Variants in NT5E observed in about 807,000 individuals in gnomAD.
The protein encoded by NT5E is 5'-nucleotidase ecto, also known as 5'-nucleotidase.
NT5E carries 53 observed loss-of-function variants against 55.1 expected under a neutral mutation model. The ratio of observed to expected loss-of-function variants is 0.96; its 90% confidence interval spans 0.77 to 1.21. NT5E has a LOEUF of 1.21. NT5E is among the 50% of genes most tolerant of loss of function. NT5E has a pLI of 0.00. For synonymous variants in NT5E, 270 were observed against 278.4 expected (o/e 0.97, Z 0.30); for missense variants, 683 against 724.3 (o/e 0.94, Z 0.65).
intron 3 of NT5E, among the ~76,000 whole-genome samples, chr6:85,479,805 T>C (rs1222723303): frequency 1.3e-5 from 2 of 152,202 alleles, no homozygotes; most frequent in African/African-American, 2.4e-5. Context: ...GCCATAGTGA[T>C]AGAACCAGAA....
intron 1 of NT5E, among the ~76,000 whole-genome samples, chr6:85,466,377 C>T (rs186610810): frequency 6.6e-6 from 1 of 152,304 alleles, no homozygotes; most frequent in Admixed American, 6.5e-5. Flanking sequence ...AATCATTTCA[C>T]CATGGAGTTC....
Position 85,494,224 on chromosome 6 carries a change from A to G in NT5E, c.*220A>G, listed in dbSNP as rs1408973595. On this transcript the variant is annotated 3_prime_UTR_variant, in exon 9 of 9. Coordinates refer to ENST00000257770, the MANE Select transcript of NT5E (RefSeq NM_002526.4). ...ATTAACATAGGGCCCTATAAGGAGA[A>G]AGCCAACTATGTTAAGTTTACGTGT... 1 of 553,026 alleles carries G rather than the reference A, an allele frequency of 1.8e-6. No individual in the cohort carries two copies. Among genetic ancestry groups the G allele is most frequent in the Admixed American group, 3.3e-5 (1 of 30,624 alleles). The allele number at this position is 553,026 out of a possible 1,614,324, so 34.3% of individuals were successfully genotyped here.
intron 1 of NT5E, among the ~76,000 whole-genome samples, chr6:85,456,267 C>G (rs1357137145): frequency 6.6e-6 from 1 of 152,212 alleles, no homozygotes. Flanking sequence ...CCCTGTGCAT[C>G]TCTTCACTTG....
At chr6:85,462,917 T>C (rs1769122774) in intron 1 of NT5E, among the ~76,000 whole-genome samples, 1 of 152,242 alleles carries the variant, frequency 6.6e-6, no homozygotes, top group African/African-American at 2.4e-5. Context: ...TTGCCCAGGT[T>C]TTCTTGTTTT....
intron 3 of NT5E, 123 bp from the exon 4 acceptor site, chr6:85,485,112 G>A (rs1447668236): frequency 3.3e-6 from 3 of 914,532 alleles, no homozygotes; most frequent in Non-Finnish European, 5.2e-6. Flanking sequence ...GACTAGCTAT[G>A]TAGAGCAACA....
intron 4 of NT5E, 35 bp from the exon 5 acceptor site, chr6:85,487,300 T>C: frequency 6.3e-7 from 1 of 1,587,792 alleles, no homozygotes; most frequent in Non-Finnish European, 8.6e-7. Flanking sequence ...CAGTGTGAGA[T>C]TTAATTGTAG....
Position 85,494,129 on chromosome 6 carries a change from T to C in NT5E, c.*125T>C. The C allele has an allele frequency of 1.1e-6, 1 of 891,922 alleles. No individual in the cohort carries two copies. 55.3% of individuals were successfully genotyped at this position (891,922 alleles called of 1,614,324 possible). A position where few individuals can be genotyped will look rare whatever the true frequency, so the allele number is the denominator to read the frequency against. Reference sequence around the variant, plus strand: ...TTTACAGGCTCCTAGAAGCTGAAGGTTAGAGCATTATAAAATGAAGAGACA... The same window carrying C: ...TTTACAGGCTCCTAGAAGCTGAAGGCTAGAGCATTATAAAATGAAGAGACA... On this transcript the variant is annotated 3_prime_UTR_variant, in exon 9 of 9. Transcript: ENST00000257770.
At chr6:85,490,487 C>T in intron 6 of NT5E, 21 bp from the exon 7 acceptor site, 1 of 1,614,086 alleles carries the variant, frequency 6.2e-7, no homozygotes, top group Non-Finnish European at 8.5e-7. Flanking sequence ...TCCTTCTTGC[C>T]TCATCTGTGA....
chr6:85,464,091 T>TTTTG (rs1191881287), intron 1 of NT5E, among the ~76,000 whole-genome samples: 1 of 139,886 alleles, frequency 7.1e-6, no homozygotes, highest in Non-Finnish European at 1.6e-5. Context: ...TTTTTTTTTT[T>TTTTG]TTAGTGCTTT....
rs758852071 is a variant in NT5E at position 85,456,291 on chromosome 6, C to T, written c.339+5813C>T. Among the ~76,000 whole-genome samples the T allele has an allele frequency of 2.2e-4, 33 of 152,158 alleles. 2 individuals are homozygous for T. The highest frequency in any genetic ancestry group is 2.5e-4 in the Non-Finnish European group (17 of 68,036). The stretch of plus-strand genomic sequence containing the variant: ...TCTCTTCACTTGCTTGTTCCCTAGT[C>T]GTATGCTTTATAATAAGCCAGTAAA... On this transcript the variant is annotated intron_variant, in intron 1 of 8. Transcript: ENST00000257770.
intron 3 of NT5E, among the ~76,000 whole-genome samples, chr6:85,474,387 C>G (rs1295307106): frequency 6.6e-6 from 1 of 152,162 alleles, no homozygotes; most frequent in African/African-American, 2.4e-5. Flanking sequence ...AGACAGCCAA[C>G]TGTATGTGCC....
intron 1 of NT5E, among the ~76,000 whole-genome samples, chr6:85,454,061 T>A (rs532005482): frequency 1.3e-5 from 2 of 152,342 alleles, no homozygotes; most frequent in African/African-American, 4.8e-5. Context: ...TACATCACTG[T>A]GAATTGTGCT....
intron 3 of NT5E, among the ~76,000 whole-genome samples, chr6:85,482,150 G>T (rs1769562444): frequency 6.6e-6 from 1 of 152,206 alleles, no homozygotes; most frequent in East Asian, 1.9e-4. Context: ...CAGTTCTTGT[G>T]TTAAAATCAT....
rs182055448 is a variant in NT5E at position 85,459,487 on chromosome 6, G to A, written c.340-7573G>A. 1.3e-3 allele frequency among the ~76,000 whole-genome samples: 200 copies of A among 152,226 alleles called. 1 individual carries two copies. Among genetic ancestry groups the A allele is most frequent in the African/African-American group, 4.4e-3 (181 of 41,538 alleles). On this transcript the variant is annotated intron_variant, in intron 1 of 8. Transcript: ENST00000257770. Reference sequence around the variant, plus strand: ...AAACTCTGCTATCCTTTGTTTTACCGTCTAACATTTCTTTGTTTCCCTTCT... The same window carrying A: ...AAACTCTGCTATCCTTTGTTTTACCATCTAACATTTCTTTGTTTCCCTTCT...
At position 85,493,903 on chromosome 6, in the gene NT5E, G is replaced by A. The variant is rs925248863; in HGVS notation, c.1624G>A (p.Val542Ile). ...ISKMKVIYPA[V>I]EGRIKFSTGS... ...CAAAATGAAAGTAATTTATCCAGCAGTTGAAGGTCGGATCAAGTTTTCCAC... is the reference window on the plus strand; with the variant it reads ...CAAAATGAAAGTAATTTATCCAGCAATTGAAGGTCGGATCAAGTTTTCCAC... Residue 542 changes from valine (V) to isoleucine (I), a missense_variant, in exon 9 of 9, where the codon GTT becomes ATT. Transcript: ENST00000257770. 1.2e-6 allele frequency: 2 copies of A among 1,614,110 alleles called. No individual in the cohort carries two copies. Among genetic ancestry groups the A allele is most frequent in the South Asian group, 1.1e-5 (1 of 91,078 alleles).
chr6:85,472,213 A>G (rs4593336), intron 3 of NT5E, among the ~76,000 whole-genome samples: 93,021 of 152,052 alleles, frequency 0.61, 28,870 homozygotes, highest in Middle Eastern at 0.71. Context: ...GCATTCGCAA[A>G]GAAGGCTTTG....
At chr6:85,488,201 T>C (rs963621980) in intron 5 of NT5E, among the ~76,000 whole-genome samples, 4 of 152,164 alleles carry the variant, frequency 2.6e-5, no homozygotes, top group African/African-American at 9.7e-5. Flanking sequence ...GGAATGGCCA[T>C]GGTAGCTCTC....
intron 1 of NT5E, among the ~76,000 whole-genome samples, chr6:85,457,445 A>C (rs1180267298): frequency 6.6e-6 from 1 of 152,114 alleles, no homozygotes; most frequent in South Asian, 2.1e-4. Flanking sequence ...TCTTGCTTCT[A>C]ATCTGCCTAC....
Position 85,478,748 on chromosome 6 carries a change from G to C in NT5E, c.752-6487G>C, listed in dbSNP as rs550791630. On this transcript the variant is annotated intron_variant, in intron 3 of 8. Coordinates refer to ENST00000257770, the MANE Select transcript of NT5E (RefSeq NM_002526.4). ...TTAAATATATTTATATATATATATAGAAAGAATATTAGAGAACTGACATAT... is the reference window on the plus strand; with the variant it reads ...TTAAATATATTTATATATATATATACAAAGAATATTAGAGAACTGACATAT... Among the ~76,000 whole-genome samples, 17 of 150,676 alleles carry C rather than the reference G, an allele frequency of 1.1e-4. No individual in the cohort carries two copies. The South Asian group carries it at 3.3e-3, about 30-fold the overall frequency.
Sources: gnomAD v4.1 joint callset for allele counts (sites outside exome capture counted in the v4.1 genomes callset) on GRCh38, gnomAD v4.1.1 for gene constraint, MANE v1.5 for transcripts, NCBI Gene and HGNC (gene_info 2026-07-23, HGNC 2026-07-21) for gene names.